CNTN5: variants seen among roughly 807,000 people sequenced by gnomAD.
CNTN5 encodes the protein contactin 5, also known as contactin-5.
In CNTN5, 77 loss-of-function variants were observed where a neutral mutation model predicts 129.1. That is an observed-to-expected ratio of 0.60 (90% CI 0.50 to 0.72). CNTN5 has a LOEUF of 0.72. CNTN5 is among the 30% of genes least tolerant of loss of function. The pLI, the probability that CNTN5 is intolerant of heterozygous loss-of-function variation, is 0.00. For missense variants in CNTN5, 1,478 were observed against 1,328.8 expected, an observed-to-expected ratio of 1.11 and a Z score of -1.75; for synonymous variants, 509 against 465.6, an observed-to-expected ratio of 1.09 and a Z score of -1.20.
At chr11:99,815,696 A>G (rs923920393) in intron 3 of CNTN5, among the ~76,000 whole-genome samples, 1 of 152,138 alleles carries the variant, frequency 6.6e-6, no homozygotes, top group Non-Finnish European at 1.5e-5. Flanking sequence ...TGCTGTGTGC[A>G]CACCCTCTGC....
chr11:99,916,243 G>C (rs752779526), intron 7 of CNTN5, 94 bp downstream of exon 7: 3 of 908,940 alleles, frequency 3.3e-6, no homozygotes, highest in African/African-American at 1.6e-5. Flanking sequence ...AACATTTCAG[G>C]TGAAATGTGC....
intron 3 of CNTN5, among the ~76,000 whole-genome samples, chr11:99,738,939 A>G (rs181165831): frequency 5.7e-4 from 87 of 152,284 alleles, no homozygotes; most frequent in Admixed American, 2.7e-3. Flanking sequence ...AATAAATTGT[A>G]TGTGTATGTG....
At chr11:100,283,057 A>G (rs1950676237) in intron 18 of CNTN5, among the ~76,000 whole-genome samples, 1 of 151,966 alleles carries the variant, frequency 6.6e-6, no homozygotes. Flanking sequence ...AGGGACCCCA[A>G]GAGCCCTCTT....
chr11:99,171,374 G>T (rs184483841), intron 1 of CNTN5, among the ~76,000 whole-genome samples: 2 of 152,168 alleles, frequency 1.3e-5, no homozygotes, highest in East Asian at 1.9e-4. Context: ...TTCGCAGATT[G>T]CTTATATTCT....
chr11:99,673,305 T>C (rs1314408754), intron 3 of CNTN5, among the ~76,000 whole-genome samples: 2 of 152,178 alleles, frequency 1.3e-5, no homozygotes, highest in African/African-American at 2.4e-5. Context: ...CACAGACTTA[T>C]AGCCAGATGG....
chr11:100,303,355 T>A (rs1951270919), intron 20 of CNTN5, among the ~76,000 whole-genome samples: 1 of 151,560 alleles, frequency 6.6e-6, no homozygotes, highest in African/African-American at 2.4e-5. Context: ...TGATAAAAAT[T>A]AATTTTTTTC....
chr11:99,634,460 A>G (rs1409067300), intron 3 of CNTN5, among the ~76,000 whole-genome samples: 1 of 152,184 alleles, frequency 6.6e-6, no homozygotes, highest in African/African-American at 2.4e-5. Context: ...GGGAAGACTG[A>G]CTGCAGTGGG....
At chr11:99,334,954 C>A (rs2136037193) in intron 2 of CNTN5, among the ~76,000 whole-genome samples, 1 of 152,170 alleles carries the variant, frequency 6.6e-6, no homozygotes, top group East Asian at 1.9e-4. Flanking sequence ...CTCAACCTAA[C>A]TATCAGCAAA....
At chr11:99,545,562 T>C (rs1948263138) in intron 2 of CNTN5, among the ~76,000 whole-genome samples, 1 of 152,210 alleles carries the variant, frequency 6.6e-6, no homozygotes, top group Non-Finnish European at 1.5e-5. Flanking sequence ...AAAATCTTAT[T>C]CATATCACGT....
At chr11:99,684,964 TTTTA>T (rs1443234195) in intron 3 of CNTN5, among the ~76,000 whole-genome samples, 1 of 151,108 alleles carries the variant, frequency 6.6e-6, no homozygotes, top group African/African-American at 2.4e-5. Flanking sequence ...TGCTCTTATT[TTTTA>T]TTTTTTAGTT....
chr11:99,302,349 A>G (rs1429265556), intron 1 of CNTN5, among the ~76,000 whole-genome samples: 1 of 151,742 alleles, frequency 6.6e-6, no homozygotes, highest in Non-Finnish European at 1.5e-5. Flanking sequence ...ATAAAAATAA[A>G]GAAAACACAA....
At chr11:99,585,942 G>T (rs1052142136) in intron 3 of CNTN5, among the ~76,000 whole-genome samples, 1 of 152,052 alleles carries the variant, frequency 6.6e-6, no homozygotes, top group Non-Finnish European at 1.5e-5. Context: ...AAAATAAATT[G>T]TTCTTTCTTT....
At chr11:99,730,970 G>C (rs1300227708) in intron 3 of CNTN5, among the ~76,000 whole-genome samples, 1 of 152,046 alleles carries the variant, frequency 6.6e-6, no homozygotes, top group East Asian at 1.9e-4. Context: ...CCAGCCTCTG[G>C]TAACTATAGT....
chr11:99,221,630 T>G (rs1370974665), intron 1 of CNTN5, among the ~76,000 whole-genome samples: 1 of 151,932 alleles, frequency 6.6e-6, no homozygotes, highest in Non-Finnish European at 1.5e-5. Context: ...TTTAACTTTC[T>G]GTGTCCCAGG....
At chr11:99,380,096 TGTGTGTGTGTATG>T (rs1458375442) in intron 2 of CNTN5, among the ~76,000 whole-genome samples, 26 of 136,740 alleles carry the variant, frequency 1.9e-4, no homozygotes, top group Admixed American at 4.1e-4. Flanking sequence ...TGTGTGTGTG[TGTGTGTGTGTATG>T]GTGTGTGTGT....
intron 2 of CNTN5, among the ~76,000 whole-genome samples, chr11:99,377,498 C>T (rs182104108): frequency 6.6e-6 from 1 of 151,820 alleles, no homozygotes. Flanking sequence ...CTTAACAAGT[C>T]CTAATTGGCT....
intron 1 of CNTN5, among the ~76,000 whole-genome samples, chr11:99,296,602 G>A (rs1242288812): frequency 3.3e-5 from 5 of 152,144 alleles, no homozygotes; most frequent in African/African-American, 1.2e-4. Context: ...TGTACCTGAA[G>A]CTTTGATTGT....
chr11:99,034,900 G>C (rs1355433569), intron 1 of CNTN5, among the ~76,000 whole-genome samples: 2 of 150,306 alleles, frequency 1.3e-5, no homozygotes, highest in African/African-American at 4.9e-5. Flanking sequence ...TTCTCTTGTG[G>C]GCATTTAGTG....
chr11:99,144,912 A>G (rs1298654031), intron 1 of CNTN5, among the ~76,000 whole-genome samples: 1 of 150,892 alleles, frequency 6.6e-6, no homozygotes, highest in Non-Finnish European at 1.5e-5. Context: ...TATATATTTT[A>G]TTTTCCTTGG....
Sources: allele counts gnomAD v4.1 joint callset (sites outside exome capture counted in the v4.1 genomes callset), GRCh38; gene constraint gnomAD v4.1.1; transcripts MANE v1.5; gene names NCBI Gene and HGNC (gene_info 2026-07-23, HGNC 2026-07-21).